MLLT10: variants seen among roughly 807,000 people sequenced by gnomAD.
The protein encoded by MLLT10 is protein AF-10.
In MLLT10, 30 loss-of-function variants were observed where a neutral mutation model predicts 129.1. The observed-to-expected ratio is 0.23, with a 90% CI of 0.17 to 0.32. The LOEUF (loss-of-function observed/expected upper bound fraction) is 0.32, where lower values mean the gene tolerates loss of function less well. Ranked by LOEUF, MLLT10 falls within the 10% of genes least tolerant of loss-of-function variation. The probability of loss-of-function intolerance (pLI) is 1.00; values close to 1 mark genes in which losing one functional copy is unlikely to be tolerated. For missense variants in MLLT10, 1,119 were observed against 1,268.3 expected, an observed-to-expected ratio of 0.88 and a Z score of 1.79; for synonymous variants, 490 against 446.4, an observed-to-expected ratio of 1.10 and a Z score of -1.23.
chr10:21,573,081 A>T (rs1295203004), intron 3 of MLLT10, among the ~76,000 whole-genome samples: 1 of 152,110 alleles, frequency 6.6e-6, no homozygotes, highest in Non-Finnish European at 1.5e-5. Context: ...TAATTCTACT[A>T]GTTTTTTAGG....
chr10:21,566,336 CT>C lies in MLLT10; in HGVS notation c.241-19946del, dbSNP rs879190625. Among the ~76,000 whole-genome samples the C allele has an allele frequency of 9.2e-3, 1,305 of 142,404 alleles. 11 individuals carry two copies. Among genetic ancestry groups the C allele is most frequent in the African/African-American group, 0.028 (1,104 of 39,140 alleles). The allele number at this position is 142,404 out of a possible 152,430, so 93.4% of individuals were successfully genotyped here. On this transcript the variant is annotated intron_variant, in intron 3 of 22. Transcript: ENST00000307729. ...ATGTTGTCAGACTCCCCCCCACCCC[CT>C]TTTTTTTTTTTGAGACAAAGTCTTA...
At chr10:21,684,840 A>G (rs945018354) in intron 13 of MLLT10, among the ~76,000 whole-genome samples, 12 of 152,292 alleles carry the variant, frequency 7.9e-5, no homozygotes, top group Middle Eastern at 6.8e-3. Flanking sequence ...CGTTGCATCA[A>G]TAGAAGCTAC....
intron 13 of MLLT10, among the ~76,000 whole-genome samples, chr10:21,683,727 C>A (rs894044347): frequency 6.6e-6 from 1 of 151,190 alleles, no homozygotes; most frequent in Non-Finnish European, 1.5e-5. Context: ...GCTTTTCTTT[C>A]GAAATTTTTT....
At chr10:21,646,200 A>G (rs569111388) in intron 8 of MLLT10, among the ~76,000 whole-genome samples, 68 of 152,224 alleles carry the variant, frequency 4.5e-4, no homozygotes, top group African/African-American at 1.6e-3. Context: ...GTGAGACTGT[A>G]TCCCAAAAAA....
intron 3 of MLLT10, among the ~76,000 whole-genome samples, chr10:21,578,799 C>T (rs2041062552): frequency 6.6e-6 from 1 of 152,080 alleles, no homozygotes. Flanking sequence ...TTTTATATCA[C>T]CTCTGTTTGT....
Position 21,696,390 on chromosome 10 carries a change from GT to G in MLLT10, c.1699+14137del, listed in dbSNP as rs542769312. ...TTTTAGGTAATTTTAATTAGGAAGG[GT>G]TTTAGGTTGTCTGATCTGCCTTGTT... is the stretch of plus-strand genomic sequence containing the variant. On this transcript the variant is annotated intron_variant, in intron 13 of 22. Transcript: ENST00000307729. Among the ~76,000 whole-genome samples, 678 of 152,098 alleles carry G rather than the reference GT, an allele frequency of 4.5e-3. 5 individuals are homozygous for G. Among genetic ancestry groups the G allele is most frequent in the African/African-American group, 0.016 (644 of 41,510 alleles).
intron 4 of MLLT10, among the ~76,000 whole-genome samples, chr10:21,589,278 G>A (rs1367781473): frequency 1.4e-5 from 2 of 147,606 alleles, no homozygotes; most frequent in East Asian, 3.9e-4. Context: ...CTTTCATGAT[G>A]TCTGTATTTT....
intron 3 of MLLT10, chr10:21,564,371 A>T (rs912513071): frequency 6.6e-6 from 1 of 152,000 alleles, no homozygotes. Flanking sequence ...ATTACAGGCC[A>T]CTACACACGC....
rs188970019 is a variant in MLLT10, at chr10:21,668,172, A to G, written c.796-2277A>G. 2.6e-5 allele frequency among the ~76,000 whole-genome samples: 4 copies of G among 152,268 alleles called. No homozygotes were observed. The East Asian group carries it at 7.7e-4, about 29-fold the overall frequency. Reference sequence around the variant, plus strand: ...AAAATAAGTATTATTATATACAAGAATTACACTCAGAGCAGTGAGATGTTC... The same window carrying G: ...AAAATAAGTATTATTATATACAAGAGTTACACTCAGAGCAGTGAGATGTTC... On this transcript the variant is annotated intron_variant, in intron 9 of 22. Transcript: ENST00000307729.
intron 3 of MLLT10, among the ~76,000 whole-genome samples, chr10:21,542,853 A>G (rs376275761): frequency 6.6e-6 from 1 of 152,224 alleles, no homozygotes; most frequent in Non-Finnish European, 1.5e-5. Context: ...ACTACTGCAC[A>G]CTAGTCCAGG....
chr10:21,592,154 A>G (rs2042568698), intron 4 of MLLT10, among the ~76,000 whole-genome samples: 1 of 152,108 alleles, frequency 6.6e-6, no homozygotes, highest in Non-Finnish European at 1.5e-5. Flanking sequence ...TTTAATATTT[A>G]ATGTAAGTGG....
In MLLT10 at chr10:21,673,536, G is replaced by A. The variant is rs757703158; in HGVS notation, c.1238G>A (p.Ser413Asn). 2.5e-6 allele frequency: 4 copies of A among 1,613,372 alleles called. No individual in the cohort carries two copies. Among genetic ancestry groups the A allele is most frequent in the Non-Finnish European group, 3.4e-6 (4 of 1,179,780 alleles). Reference protein sequence around the residue: ...ESGSQEGGVNSFSTLIGLPST... With the variant: ...ESGSQEGGVNNFSTLIGLPST... ...GGAAGCCAGGAAGGGGGGGTAAATA[G>A]TTTTAGTACCTTAATTGGCCTCCCT... is the stretch of plus-strand genomic sequence containing the variant. The change falls in exon 11 of 23, where the codon AGT becomes AAT. Residue 413 changes from serine (S) to asparagine (N), a missense_variant. Coordinates refer to ENST00000307729, the MANE Select transcript of MLLT10 (RefSeq NM_001195626.3).
chr10:21,698,071 C>G (rs1254900717), intron 13 of MLLT10, among the ~76,000 whole-genome samples: 1 of 152,186 alleles, frequency 6.6e-6, no homozygotes, highest in Non-Finnish European at 1.5e-5. Flanking sequence ...GGCAACATTT[C>G]AAGTCTTCTC....
At chr10:21,622,153 CTTTTTTTTTTT>C (rs71393915) in intron 8 of MLLT10, among the ~76,000 whole-genome samples, 4 of 99,816 alleles carry the variant, frequency 4.0e-5, no homozygotes, top group Admixed American at 3.4e-4. Flanking sequence ...TTTGTTTTTC[CTTTTTTTTTTT>C]TTTTTTTTTT....
intron 9 of MLLT10, among the ~76,000 whole-genome samples, chr10:21,665,238 G>C (rs906790942): frequency 6.8e-6 from 1 of 146,516 alleles, no homozygotes. Flanking sequence ...GAGCCACTGC[G>C]CCTGGCCTGA....
intron 8 of MLLT10, among the ~76,000 whole-genome samples, chr10:21,626,865 G>A (rs7915873): frequency 6.6e-6 from 1 of 152,174 alleles, no homozygotes; most frequent in Admixed American, 6.5e-5. Flanking sequence ...GAAGAGTTAA[G>A]AGAGGACAGG....
At chr10:21,662,105 C>G (rs2050272091) in intron 9 of MLLT10, among the ~76,000 whole-genome samples, 1 of 152,044 alleles carries the variant, frequency 6.6e-6, no homozygotes, top group Admixed American at 6.5e-5. Flanking sequence ...CATTCTTACA[C>G]TTAGTGCCTG....
intron 3 of MLLT10, among the ~76,000 whole-genome samples, chr10:21,559,589 A>G (rs757654296): frequency 2.6e-5 from 4 of 152,204 alleles, no homozygotes; most frequent in African/African-American, 4.8e-5. Flanking sequence ...AATTCCAAAG[A>G]GAAATTCTGT....
rs2051726017 is a variant in MLLT10 at position 21,673,497 on chromosome 10, A to T, written c.1199A>T (p.His400Leu). Residue 400 changes from histidine to leucine, a missense_variant, in exon 11 of 23, where the codon CAT (histidine) becomes CTT (leucine). His to Leu is a moderately conservative substitution (Grantham distance 99). Transcript: ENST00000307729. ...CAGTCATCAGCAACCAAAGATGTAC[A>T]TAAAGGAGAGTCTGGAAGCCAGGAA... is the stretch of plus-strand genomic sequence containing the variant. ...SQQSSATKDV[H>L]KGESGSQEGG... 6.2e-7 allele frequency: 1 copy of T among 1,613,964 alleles called. No individual in the cohort carries two copies. The highest frequency in any genetic ancestry group is 8.5e-7 in the Non-Finnish European group (1 of 1,179,998).
Sources: allele counts gnomAD v4.1 joint callset (sites outside exome capture counted in the v4.1 genomes callset), GRCh38; gene constraint gnomAD v4.1.1; transcripts MANE v1.5; gene names NCBI Gene and HGNC (gene_info 2026-07-23, HGNC 2026-07-21).